Variants in CLPB observed in about 807,000 individuals in gnomAD.
CLPB encodes mitochondrial disaggregase.
A neutral mutation model predicts 78.4 loss-of-function variants in CLPB; 40 were observed. That is an observed-to-expected ratio of 0.51 (90% CI 0.40 to 0.66). CLPB has a LOEUF of 0.66. Ranked by LOEUF, CLPB falls within the 30% of genes least tolerant of loss-of-function variation. The pLI is 0.00. For synonymous variants in CLPB, 333 were observed against 348.0 expected (o/e 0.96, Z 0.48); for missense variants, 780 against 886.9 (o/e 0.88, Z 1.53).
At chr11:72,407,838 G>A (rs149291991) in intron 2 of CLPB, among the ~76,000 whole-genome samples, 12 of 152,000 alleles carry the variant, frequency 7.9e-5, no homozygotes, top group East Asian at 3.9e-4. Context: ...TAGCAGAGAC[G>A]GGGTTTCACC....
intron 4 of CLPB, among the ~76,000 whole-genome samples, chr11:72,361,503 G>A (rs764912234): frequency 2.0e-5 from 3 of 152,180 alleles, no homozygotes; most frequent in Non-Finnish European, 4.4e-5. Context: ...GAAATAAGAA[G>A]GCCAGGGAGG....
Position 72,380,400 on chromosome 11 carries a change from AAGAC to A in CLPB, c.543-20_543-17del. 5 of 1,606,860 alleles carry A rather than the reference AAGAC, an allele frequency of 3.1e-6. No homozygotes were observed. Among genetic ancestry groups the A allele is most frequent in the Non-Finnish European group, 4.3e-6 (5 of 1,173,428 alleles). ...CTGTACCACACTAGAAGAAATCACA[AAGAC>A]AGAAGTGTCAAAAGCAAGAAAGGCC... On this transcript the variant is annotated splice_polypyrimidine_tract_variant and intron_variant, in intron 3 of 15. Transcript: ENST00000538039.
intron 2 of CLPB, among the ~76,000 whole-genome samples, 155 bp from the exon 3 acceptor site, chr11:72,403,207 CAG>C (rs1308557610): frequency 6.6e-6 from 1 of 151,398 alleles, no homozygotes; most frequent in African/African-American, 2.4e-5. Flanking sequence ...AGTCAACAAA[CAG>C]AGCCTGAATG....
Position 72,317,101 on chromosome 11 carries a change from C to G in CLPB, c.988+5G>C. ...TCTGCCCTTTCTGGTGTCCCACACA[C>G]TCACCAGCACCCACTGTGGCGATGG... On this transcript the variant is annotated splice_donor_5th_base_variant and intron_variant, in intron 7 of 15. Transcript: ENST00000538039. 1 of 1,602,214 alleles carries G rather than the reference C, an allele frequency of 6.2e-7. No individual in the cohort carries two copies.
In CLPB at chr11:72,434,124, G is replaced by A. The variant is rs1252676836; in HGVS notation, c.351C>T (p.Ala117=). ...AATGAACCACCAGCGCTGCGGCCAGGGCGCACATGCCCAGTCCGGCCCTGC... is the reference window on the plus strand; with the variant it reads ...AATGAACCACCAGCGCTGCGGCCAGAGCGCACATGCCCAGTCCGGCCCTGC... ...VPSRAGLGMC[A]LAAALVVHCY... Residue 117 remains alanine (A), a synonymous_variant, in exon 1 of 16, where the codon GCC becomes GCT. Coordinates refer to ENST00000538039, the MANE Select transcript of CLPB (RefSeq NM_001258392.3). 3.7e-6 allele frequency: 6 copies of A among 1,612,210 alleles called. 1 individual carries two copies. In the South Asian group the frequency reaches 5.5e-5, roughly 15 times the overall value.
At position 72,346,989 on chromosome 11, in the gene CLPB, A is replaced by T. The variant is rs963706110; in HGVS notation, c.775+11891T>A. ...AGAGCAAAATTCCATCTCAAAAATT[A>T]AAAAAAAAAAAAAAAAAAAAAGGTA... On this transcript the variant is annotated intron_variant, in intron 5 of 15. Coordinates refer to ENST00000538039, the MANE Select transcript of CLPB (RefSeq NM_001258392.3). 3.7e-3 allele frequency among the ~76,000 whole-genome samples: 345 copies of T among 93,196 alleles called. 1 individual carries two copies. The highest frequency in any genetic ancestry group is 0.02 in the African/African-American group (336 of 16,514). The allele number at this position is 93,196 out of a possible 152,430, so 61.1% of individuals were successfully genotyped here.
At chr11:72,366,962 CAG>C (rs1950954523) in intron 4 of CLPB, among the ~76,000 whole-genome samples, 2 of 152,086 alleles carry the variant, frequency 1.3e-5, no homozygotes, top group South Asian at 4.1e-4. Context: ...AGCAAAGACA[CAG>C]AATCAATCTA....
At chr11:72,399,403 C>T (rs1475537322) in intron 3 of CLPB, among the ~76,000 whole-genome samples, 1 of 152,026 alleles carries the variant, frequency 6.6e-6, no homozygotes, top group Non-Finnish European at 1.5e-5. Flanking sequence ...TTTCCCTCTC[C>T]TGTGTATATT....
chr11:72,321,839 TCCTGAATC>T (rs561396555), intron 6 of CLPB, among the ~76,000 whole-genome samples: 11 of 152,038 alleles, frequency 7.2e-5, no homozygotes, highest in Non-Finnish European at 1.6e-4. Flanking sequence ...TGCCCCATAC[TCCTGAATC>T]CCTGACTCAG....
intron 3 of CLPB, among the ~76,000 whole-genome samples, chr11:72,381,417 C>T (rs543663048): frequency 1.3e-5 from 2 of 152,082 alleles, no homozygotes; most frequent in South Asian, 4.2e-4. Flanking sequence ...CCTAGCCAGA[C>T]TGACCTTAGC....
Position 72,312,610 on chromosome 11 carries a change from TC to T in CLPB, c.989-4007del, listed in dbSNP as rs1299573093. Among the ~76,000 whole-genome samples, 3 of 152,098 alleles carry T rather than the reference TC, an allele frequency of 2.0e-5. No individual in the cohort carries two copies. The highest frequency in any genetic ancestry group is 4.4e-5 in the Non-Finnish European group (3 of 68,012). ...TTGCAAGGGAGAAAGAACAGGTACT[TC>T]AACTCATTTTACAGAGAAGAGGAGA... is the stretch of plus-strand genomic sequence containing the variant. On this transcript the variant is annotated intron_variant, in intron 7 of 15. Transcript: ENST00000538039. The surrounding 1 kb of genome is among the most constrained non-coding windows in gnomAD (Gnocchi z 4.2).
At chr11:72,379,926 C>G (rs552451255) in intron 4 of CLPB, among the ~76,000 whole-genome samples, 68 of 152,296 alleles carry the variant, frequency 4.5e-4, no homozygotes, top group Non-Finnish European at 5.9e-5. Flanking sequence ...ACATTCCATG[C>G]AGTTGCCTTA....
chr11:72,430,584 C>T, intron 1 of CLPB: 1 of 549,280 alleles, frequency 1.8e-6, no homozygotes, highest in Non-Finnish European at 3.3e-6. Context: ...AGCCCAAACT[C>T]TTCACTCCTC....
At chr11:72,336,509 A>G (rs1950325294) in intron 5 of CLPB, 1 of 152,108 alleles carries the variant, frequency 6.6e-6, no homozygotes, top group African/African-American at 2.4e-5. Flanking sequence ...ACCACCTACC[A>G]CTAAGGGCTT....
chr11:72,307,291 C>G (rs1268803701), intron 8 of CLPB, 37 bp from the exon 9 acceptor site: 2 of 1,565,728 alleles, frequency 1.3e-6, no homozygotes, highest in African/African-American at 2.7e-5. Flanking sequence ...GGGTTAGAAC[C>G]AGGTGACTAA....
intron 5 of CLPB, among the ~76,000 whole-genome samples, chr11:72,346,746 G>C (rs1270805895): frequency 6.6e-6 from 1 of 151,960 alleles, no homozygotes; most frequent in Non-Finnish European, 1.5e-5. Context: ...GGGAGGTTGA[G>C]ATGGGTGGAT....
At chr11:72,335,752 T>C (rs117215416) in intron 5 of CLPB, among the ~76,000 whole-genome samples, 4,404 of 152,274 alleles carry the variant, frequency 0.029, 107 homozygotes, top group Non-Finnish European at 0.04. Context: ...CACTGCTATA[T>C]ATCCTTGCAT....
chr11:72,301,604 G>T (rs938601843), intron 11 of CLPB, among the ~76,000 whole-genome samples, 199 bp downstream of exon 11: 7 of 152,332 alleles, frequency 4.6e-5, no homozygotes, highest in Admixed American at 4.6e-4. Context: ...CTTAGGCAGG[G>T]CTGGTCTTCG....
chr11:72,342,094 T>C (rs1003020486), intron 5 of CLPB, among the ~76,000 whole-genome samples: 3 of 152,108 alleles, frequency 2.0e-5, no homozygotes, highest in African/African-American at 7.2e-5. Flanking sequence ...GAGCGACCAG[T>C]AGACAACCAT....
Sources: allele counts gnomAD v4.1 joint callset (sites outside exome capture counted in the v4.1 genomes callset), GRCh38; gene constraint gnomAD v4.1.1; non-coding constraint Gnocchi (gnomAD v3.1); transcripts MANE v1.5; gene names NCBI Gene and HGNC (gene_info 2026-07-23, HGNC 2026-07-21).